IFNAR2: variants seen among roughly 807,000 people sequenced by gnomAD.
The protein encoded by IFNAR2 is interferon alpha/beta receptor 2.
In IFNAR2, 30 loss-of-function variants were observed where a neutral mutation model predicts 49.4. The ratio of observed to expected loss-of-function variants is 0.61; its 90% confidence interval spans 0.45 to 0.82. IFNAR2 has a LOEUF of 0.82. Ranked by LOEUF, IFNAR2 falls within the 40% of genes least tolerant of loss-of-function variation. The pLI, the probability that IFNAR2 is intolerant of heterozygous loss-of-function variation, is 0.00. For missense variants in IFNAR2, 600 were observed against 622.7 expected, an observed-to-expected ratio of 0.96 and a Z score of 0.39; for synonymous variants, 224 against 234.5, an observed-to-expected ratio of 0.96 and a Z score of 0.41.
At chr21:33,236,462 G>C (rs1159322717) in intron 1 of IFNAR2, among the ~76,000 whole-genome samples, 1 of 152,132 alleles carries the variant, frequency 6.6e-6, no homozygotes, top group Non-Finnish European at 1.5e-5. Context: ...TAGGTACCTG[G>C]GTCAAGAGTG....
chr21:33,231,602 C>A, intron 1 of IFNAR2: 1 of 506,172 alleles, frequency 2.0e-6, no homozygotes, highest in Non-Finnish European at 2.5e-6. Context: ...AATATATATT[C>A]CATGGCTCAC....
At chr21:33,243,034 C>T (rs919303395) in intron 2 of IFNAR2, among the ~76,000 whole-genome samples, 3 of 151,402 alleles carry the variant, frequency 2.0e-5, no homozygotes, top group Non-Finnish European at 2.9e-5. Flanking sequence ...AGTGATCCAC[C>T]GCCTTGGCCT....
At position 33,229,944 on chromosome 21, in the gene IFNAR2, C is replaced by G; in HGVS notation, c.-356C>G. ...GCGCGGCGCCCGCGCTTCCGTATCG[C>G]TCCTCGTAGGCCGGGGCTCGGCGCG... On this transcript the variant is annotated 5_prime_UTR_variant, in exon 1 of 9. Transcript: ENST00000342136. The G allele has an allele frequency of 4.1e-6, 4 of 983,704 alleles. No homozygotes were observed. Among genetic ancestry groups the G allele is most frequent in the Non-Finnish European group, 4.8e-6 (4 of 829,334 alleles). 60.9% of individuals were successfully genotyped at this position (983,704 alleles called of 1,614,324 possible). A position where few individuals can be genotyped will look rare whatever the true frequency, so the allele number is the denominator to read the frequency against.
chr21:33,252,324 T>C (rs776450733), intron 6 of IFNAR2: 14 of 599,952 alleles, frequency 2.3e-5, no homozygotes, highest in Non-Finnish European at 3.4e-5. Context: ...AAGTGTAAAG[T>C]AGACACACAC....
intron 2 of IFNAR2, among the ~76,000 whole-genome samples, chr21:33,243,424 A>G (rs1013494498): frequency 2.0e-5 from 3 of 152,162 alleles, no homozygotes; most frequent in African/African-American, 7.2e-5. Context: ...CAGAACAGGG[A>G]CCGTACATAT....
chr21:33,243,585 G>C, intron 2 of IFNAR2, 88 bp from the exon 3 acceptor site: 1 of 1,164,094 alleles, frequency 8.6e-7, no homozygotes, highest in Non-Finnish European at 1.3e-6. Flanking sequence ...CAATAAATGT[G>C]TGTTAAAGAA....
Position 33,262,920 on chromosome 21 carries a change from A to G in IFNAR2, c.968A>G (p.Asp323Gly), listed in dbSNP as rs959873315. The change falls in exon 9 of 9, where the codon GAT becomes GGT. Residue 323 changes from aspartate to glycine, a missense_variant. Transcript: ENST00000342136. ...GATTATAATTATGATGATGAAAGTG[A>G]TAGCGATACTGAGGCAGCGCCCAGG... ...VWDYNYDDES[D>G]SDTEAAPRTS... The G allele has an allele frequency of 6.2e-7, 1 of 1,614,090 alleles. No homozygotes were observed. Among genetic ancestry groups the G allele is most frequent in the African/African-American group, 1.3e-5 (1 of 74,928 alleles).
chr21:33,243,530 CTA>C lies in IFNAR2; in HGVS notation c.56-141_56-140del, dbSNP rs989801672. 1.1e-4 allele frequency: 78 copies of C among 715,690 alleles called. No homozygotes were observed. The East Asian group carries it at 1.5e-3, about 14-fold the overall frequency. The allele number at this position is 715,690 out of a possible 1,614,324, so 44.3% of individuals were successfully genotyped here. A position where few individuals can be genotyped will look rare whatever the true frequency, so the allele number is the denominator to read the frequency against. On this transcript the variant is annotated intron_variant, in intron 2 of 8. Transcript: ENST00000342136. ...GGCACCAATGTAGAGTAAAAACCATCTATGTGGGCATTTTTTTGGCACAAGAA... is the reference window on the plus strand; with the variant it reads ...GGCACCAATGTAGAGTAAAAACCATCTGTGGGCATTTTTTTGGCACAAGAA...
At chr21:33,240,218 C>A (rs1319403324) in intron 1 of IFNAR2, among the ~76,000 whole-genome samples, 2 of 152,210 alleles carry the variant, frequency 1.3e-5, no homozygotes, top group Non-Finnish European at 2.9e-5. Flanking sequence ...GACGATAGCC[C>A]CATAAGATTA....
In IFNAR2 at chr21:33,232,542, A is replaced by G. The variant is rs17860127; in HGVS notation, c.-84+2326A>G. ...CATTGGTTTTCATTTGTTTGTTTTT[A>G]ATTCTCAAGTTTAAAAAAAAATTTA... On this transcript the variant is annotated intron_variant, in intron 1 of 8. Coordinates refer to ENST00000342136, the MANE Select transcript of IFNAR2 (RefSeq NM_001289125.3). Among the ~76,000 whole-genome samples, 1,393 of 152,136 alleles carry G rather than the reference A, an allele frequency of 9.2e-3. 17 individuals carry two copies. The highest frequency in any genetic ancestry group is 0.03 in the African/African-American group (1,257 of 41,490).
At chr21:33,244,515 G>A (rs183423462) in intron 3 of IFNAR2, among the ~76,000 whole-genome samples, 44 of 152,278 alleles carry the variant, frequency 2.9e-4, no homozygotes, top group East Asian at 3.9e-4. Flanking sequence ...AATTTGCAGC[G>A]GGCTGAGCTA....
At chr21:33,241,465 T>A (rs1482383984) in intron 1 of IFNAR2, among the ~76,000 whole-genome samples, 1 of 152,192 alleles carries the variant, frequency 6.6e-6, no homozygotes, top group Non-Finnish European at 1.5e-5. Context: ...TCCAAACATA[T>A]TTTTAAGTGG....
intron 8 of IFNAR2, chr21:33,262,459 C>T: frequency 3.2e-6 from 2 of 624,544 alleles, no homozygotes; most frequent in Non-Finnish European, 5.8e-6. Context: ...TCATGCCCAG[C>T]ATATAGTAAG....
intron 5 of IFNAR2, among the ~76,000 whole-genome samples, chr21:33,247,296 G>A (rs2123486714): frequency 7.5e-6 from 1 of 134,094 alleles, no homozygotes; most frequent in Non-Finnish European, 1.5e-5. Context: ...CTGTCACCTA[G>A]GCTAGAGTGC....
chr21:33,262,528 C>G (rs1988680082), intron 8 of IFNAR2: 3 of 691,360 alleles, frequency 4.3e-6, no homozygotes, highest in African/African-American at 1.8e-5. Context: ...CATCATCATT[C>G]AATCTCATTA....
intron 5 of IFNAR2, 84 bp downstream of exon 5, chr21:33,246,974 A>G (rs1987470948): frequency 8.1e-7 from 1 of 1,227,346 alleles, no homozygotes; most frequent in Non-Finnish European, 1.2e-6. Flanking sequence ...GAGGTCTACA[A>G]AGGTGTTTTA....
At chr21:33,232,814 A>G (rs972938259) in intron 1 of IFNAR2, among the ~76,000 whole-genome samples, 3 of 152,216 alleles carry the variant, frequency 2.0e-5, no homozygotes, top group African/African-American at 7.2e-5. Flanking sequence ...CAGGCTTTAC[A>G]GAACAAGCTG....
intron 6 of IFNAR2, among the ~76,000 whole-genome samples, chr21:33,251,136 C>T (rs988371711): frequency 6.6e-6 from 1 of 152,046 alleles, no homozygotes; most frequent in Admixed American, 6.6e-5. Flanking sequence ...AGAGAGAAAA[C>T]AAGACATCCA....
intron 5 of IFNAR2, among the ~76,000 whole-genome samples, chr21:33,247,284 C>T (rs1324544589): frequency 2.6e-5 from 3 of 113,532 alleles, no homozygotes; most frequent in African/African-American, 1.1e-4. Context: ...TGGAGTTTCA[C>T]TCTGTCACCT....
Sources: gnomAD v4.1 joint callset for allele counts (sites outside exome capture counted in the v4.1 genomes callset) on GRCh38, gnomAD v4.1.1 for gene constraint, MANE v1.5 for transcripts, NCBI Gene and HGNC (gene_info 2026-07-23, HGNC 2026-07-21) for gene names.